The following DLG1 variants were observed in gnomAD, a reference collection of about 807,000 sequenced individuals.
DLG1 encodes disks large homolog 1.
In DLG1, 42 loss-of-function variants were observed where a neutral mutation model predicts 123.4. That is an observed-to-expected ratio of 0.34 (90% CI 0.27 to 0.44). DLG1 has a LOEUF of 0.44. DLG1 is among the 20% of genes least tolerant of loss of function. DLG1 has a pLI of 1.00. For missense variants in DLG1, 942 were observed against 1,082.6 expected, an observed-to-expected ratio of 0.87 and a Z score of 1.82; for synonymous variants, 317 against 356.2, an observed-to-expected ratio of 0.89 and a Z score of 1.24.
At chr3:197,285,877 T>A (rs1331155996) in intron 3 of DLG1, among the ~76,000 whole-genome samples, 1 of 152,198 alleles carries the variant, frequency 6.6e-6, no homozygotes, top group African/African-American at 2.4e-5. Context: ...CTCCTTGGTA[T>A]TCACCCAAAC....
At chr3:197,081,176 GA>G in intron 16 of DLG1, 59 bp from the exon 17 acceptor site, 1 of 1,477,456 alleles carries the variant, frequency 6.8e-7, no homozygotes, top group Non-Finnish European at 9.3e-7. Context: ...GGTCTTACTA[GA>G]AATAACCAGA....
chr3:197,071,322 TA>T, intron 18 of DLG1, among the ~76,000 whole-genome samples: 1 of 152,308 alleles, frequency 6.6e-6, no homozygotes, highest in Non-Finnish European at 1.5e-5. Flanking sequence ...CTGCAGGGTT[TA>T]TTTTTACTAC....
At chr3:197,073,057 T>C (rs1039876566) in intron 18 of DLG1, among the ~76,000 whole-genome samples, 3 of 152,224 alleles carry the variant, frequency 2.0e-5, no homozygotes, top group Non-Finnish European at 4.4e-5. Context: ...TTTATCATTG[T>C]ACTCAAATGC....
Position 197,048,328 on chromosome 3 carries a change from G to A in DLG1, c.2575+3249C>T, listed in dbSNP as rs1302138671. Among the ~76,000 whole-genome samples, 5 of 152,210 alleles carry A rather than the reference G, an allele frequency of 3.3e-5. No homozygotes were observed. The East Asian group carries it at 5.8e-4, about 18-fold the overall frequency. ...TCTACTAAAAATACAAAAATTAGCC[G>A]GGTGTGGTGGCATGTGCCTGTAATC... On this transcript the variant is annotated intron_variant, in intron 24 of 24. Coordinates refer to ENST00000667157, the MANE Select transcript of DLG1 (RefSeq NM_001366207.1).
At chr3:197,075,950 G>T in intron 18 of DLG1, 1 of 1,270,040 alleles carries the variant, frequency 7.9e-7, no homozygotes, top group Non-Finnish European at 1.1e-6. Context: ...TAAAATTGGT[G>T]CTACAGTAAG....
chr3:197,196,939 T>C lies in DLG1; in HGVS notation c.319-2350A>G, dbSNP rs77092234. 1.4e-4 allele frequency among the ~76,000 whole-genome samples: 21 copies of C among 152,354 alleles called. No homozygotes were observed. The East Asian group carries it at 3.8e-3, about 28-fold the overall frequency. ...GTATCATTATATATGTGTATGTGTGTATCCATGCTTATGAATGTACGTATG... is the reference window on the plus strand; with the variant it reads ...GTATCATTATATATGTGTATGTGTGCATCCATGCTTATGAATGTACGTATG... On this transcript the variant is annotated intron_variant, in intron 4 of 24. Transcript: ENST00000667157.
At chr3:197,100,282 T>A (rs536122572) in intron 14 of DLG1, among the ~76,000 whole-genome samples, 1 of 152,322 alleles carries the variant, frequency 6.6e-6, no homozygotes, top group South Asian at 2.1e-4. Flanking sequence ...GTCAGGACAC[T>A]GGGTGTTAGA....
At position 197,209,975 on chromosome 3, in the gene DLG1, C is replaced by T. The variant is rs116169486; in HGVS notation, c.319-15386G>A. ...ACATCATCCATGACTCCAGAGAAGACAAATGGAAACTCCTCATTTGGAAAT... is the reference window on the plus strand; with the variant it reads ...ACATCATCCATGACTCCAGAGAAGATAAATGGAAACTCCTCATTTGGAAAT... On this transcript the variant is annotated intron_variant, in intron 4 of 24. Coordinates refer to ENST00000667157, the MANE Select transcript of DLG1 (RefSeq NM_001366207.1). 9.0e-3 allele frequency among the ~76,000 whole-genome samples: 1,313 copies of T among 146,350 alleles called. 51 individuals are homozygous for T. Among genetic ancestry groups the T allele is most frequent in the African/African-American group, 0.03 (1,239 of 41,198 alleles).
At position 197,044,361 on chromosome 3, in the gene DLG1, T is replaced by G. The variant is rs1168631191; in HGVS notation, c.*262A>C. The G allele has an allele frequency of 2.4e-5, 7 of 297,702 alleles. No homozygotes were observed. The highest frequency in any genetic ancestry group is 1.0e-4 in the Admixed American group (2 of 19,968). 18.4% of individuals were successfully genotyped at this position (297,702 alleles called of 1,614,324 possible). On this transcript the variant is annotated 3_prime_UTR_variant, in exon 25 of 25. Transcript: ENST00000667157. ...CATTAAGGAATTTTACCACAATTTC[T>G]GCGTCTCCCCACGTTCTTAATAGCT...
chr3:197,293,627 G>C lies in DLG1; in HGVS notation c.151+2719C>G, dbSNP rs978584263. 3.8e-3 allele frequency among the ~76,000 whole-genome samples: 574 copies of C among 151,374 alleles called. 3 individuals carry two copies. The highest frequency in any genetic ancestry group is 0.013 in the African/African-American group (538 of 41,266). On this transcript the variant is annotated intron_variant, in intron 3 of 24. Coordinates refer to ENST00000667157, the MANE Select transcript of DLG1 (RefSeq NM_001366207.1). ...CAGGGGGGGACACCAAACCCCTAGA[G>C]ACTCAAACTTTTTTAAATGCATGAA...
At chr3:197,256,170 G>GA (rs1756796209) in intron 4 of DLG1, among the ~76,000 whole-genome samples, 1 of 152,200 alleles carries the variant, frequency 6.6e-6, no homozygotes. Context: ...TTCTGCACTA[G>GA]ATGAGAAGTT....
intron 5 of DLG1, among the ~76,000 whole-genome samples, chr3:197,150,742 T>C (rs2149767276): frequency 6.6e-6 from 1 of 152,196 alleles, no homozygotes; most frequent in Admixed American, 6.5e-5. Context: ...CTTCCAAATG[T>C]ACAGGCTTTT....
chr3:197,059,759 T>A, intron 23 of DLG1, 130 bp downstream of exon 23: 1 of 620,776 alleles, frequency 1.6e-6, no homozygotes, highest in Non-Finnish European at 2.8e-6. Context: ...CACCACATAA[T>A]CTGAGGTGAA....
chr3:197,256,942 T>C (rs1375230763), intron 4 of DLG1, among the ~76,000 whole-genome samples: 2 of 147,700 alleles, frequency 1.4e-5, no homozygotes, highest in Non-Finnish European at 3.0e-5. Context: ...AACATAATTA[T>C]ACTTCAACAC....
At chr3:197,149,871 T>G (rs916930004) in intron 5 of DLG1, 75 bp from the exon 6 acceptor site, 2 of 834,538 alleles carry the variant, frequency 2.4e-6, no homozygotes, top group African/African-American at 3.5e-5. Context: ...GTTAGAGGCA[T>G]AGGAAAGACT....
At chr3:197,208,750 G>A (rs1408824464) in intron 4 of DLG1, among the ~76,000 whole-genome samples, 3 of 145,776 alleles carry the variant, frequency 2.1e-5, no homozygotes, top group Non-Finnish European at 4.6e-5. Context: ...CTTATATACG[G>A]AGAAACCAGG....
chr3:197,186,903 A>C (rs1716365829), intron 5 of DLG1, among the ~76,000 whole-genome samples: 1 of 152,228 alleles, frequency 6.6e-6, no homozygotes, highest in African/African-American at 2.4e-5. Context: ...TAAAAAGGTA[A>C]AGGACAAGAG....
At position 197,180,938 on chromosome 3, in the gene DLG1, T is replaced by G. The variant is rs543853158; in HGVS notation, c.483+13487A>C. On this transcript the variant is annotated intron_variant, in intron 5 of 24. Coordinates refer to ENST00000667157, the MANE Select transcript of DLG1 (RefSeq NM_001366207.1). ...TCTATAAGCATTTATTAACACCAAC[T>G]ACATGCCAAACCCTAACTGAGAAGC... 2.0e-5 allele frequency among the ~76,000 whole-genome samples: 3 copies of G among 152,320 alleles called. No individual in the cohort carries two copies. In the East Asian group the frequency reaches 5.8e-4, roughly 29 times the overall value.
At chr3:197,116,402 GCA>G (rs1249409559) in intron 12 of DLG1, among the ~76,000 whole-genome samples, 7 of 152,148 alleles carry the variant, frequency 4.6e-5, no homozygotes, top group Non-Finnish European at 7.4e-5. Context: ...AGCTGATGTT[GCA>G]CACTTTATTG....
Sources: allele counts gnomAD v4.1 joint callset (sites outside exome capture counted in the v4.1 genomes callset), GRCh38; gene constraint gnomAD v4.1.1; transcripts MANE v1.5; gene names NCBI Gene and HGNC (gene_info 2026-07-23, HGNC 2026-07-21).